ABCD3: variants seen among roughly 807,000 people sequenced by gnomAD.
ABCD3 encodes the protein ATP binding cassette subfamily D member 3.
ABCD3 carries 41 observed loss-of-function variants against 105.5 expected under a neutral mutation model. That is an observed-to-expected ratio of 0.39 (90% CI 0.30 to 0.50). The LOEUF is 0.50. ABCD3 is among the 20% of genes least tolerant of loss of function. ABCD3 has a pLI of 0.84. For missense variants in ABCD3, 622 were observed against 806.3 expected (o/e 0.77, Z 2.77); for synonymous variants, 258 against 269.0 (o/e 0.96, Z 0.40).
chr1:94,419,440 G>A, intron 1 of ABCD3: 1 of 795,364 alleles, frequency 1.3e-6, no homozygotes, highest in South Asian at 5.7e-5. Context: ...AGAGAGAGCT[G>A]AATTACGGTT....
intron 1 of ABCD3, among the ~76,000 whole-genome samples, chr1:94,430,373 G>A (rs1332373165): frequency 6.6e-6 from 1 of 152,152 alleles, no homozygotes; most frequent in Non-Finnish European, 1.5e-5. Flanking sequence ...ATGAGATTTG[G>A]GAGGGACTGG....
Position 94,498,979 on chromosome 1 carries a change from A to G in ABCD3, c.1565A>G (p.Gln522Arg). ...ATGACCCTTGGAACACTTCGAGATCAAGTGATATATCCAGATGGACGAGAA... is the reference window on the plus strand; with the variant it reads ...ATGACCCTTGGAACACTTCGAGATCGAGTGATATATCCAGATGGACGAGAA... ...PYMTLGTLRD[Q>R]VIYPDGREDQ... The change falls in exon 19 of 23, where the codon CAA (glutamine) becomes CGA (arginine). Residue 522 changes from glutamine to arginine, a missense_variant. Coordinates refer to ENST00000370214, the MANE Select transcript of ABCD3 (RefSeq NM_002858.4). 6.2e-7 allele frequency: 1 copy of G among 1,614,048 alleles called. No homozygotes were observed. The highest frequency in any genetic ancestry group is 8.5e-7 in the Non-Finnish European group (1 of 1,179,974).
chr1:94,388,253 G>A, the ABCD3 span, among the ~76,000 whole-genome samples: 96 of 152,242 alleles, frequency 6.3e-4, no homozygotes, highest in South Asian at 0.012. Flanking sequence ...AAGAAATTCC[G>A]TTTAAACTAA....
chr1:94,452,164 A>T (rs897386921), intron 1 of ABCD3, among the ~76,000 whole-genome samples: 2 of 152,208 alleles, frequency 1.3e-5, no homozygotes, highest in Non-Finnish European at 2.9e-5. Context: ...ATTAATTATT[A>T]TATCAGGACA....
intron 1 of ABCD3, among the ~76,000 whole-genome samples, chr1:94,439,174 TC>T (rs1660041583): frequency 6.6e-6 from 1 of 152,238 alleles, no homozygotes; most frequent in African/African-American, 2.4e-5. Context: ...TGAAAATTTG[TC>T]TGGATGTAAA....
chr1:94,442,948 T>C (rs1660186878), intron 1 of ABCD3, among the ~76,000 whole-genome samples: 1 of 152,174 alleles, frequency 6.6e-6, no homozygotes, highest in Non-Finnish European at 1.5e-5. Context: ...ATCTTTTATA[T>C]ATATATATTT....
intron 21 of ABCD3, among the ~76,000 whole-genome samples, chr1:94,508,031 A>G (rs927826627): frequency 2.0e-5 from 3 of 148,630 alleles, no homozygotes; most frequent in African/African-American, 4.9e-5. Flanking sequence ...TTTTGTTGCC[A>G]TTGCTTTTGG....
At chr1:94,478,549 A>G (rs767108636) in intron 8 of ABCD3, 6 of 1,598,156 alleles carry the variant, frequency 3.8e-6, no homozygotes, top group South Asian at 1.1e-5. Context: ...TTGTGGCATT[A>G]AAAACCAGAC....
intron 10 of ABCD3, among the ~76,000 whole-genome samples, chr1:94,483,899 C>T (rs1439268419): frequency 6.6e-6 from 1 of 152,088 alleles, no homozygotes; most frequent in African/African-American, 2.4e-5. Context: ...ACCCATCTGA[C>T]AAAGGGCTAA....
intron 1 of ABCD3, among the ~76,000 whole-genome samples, chr1:94,437,263 C>G (rs911944884): frequency 1.2e-4 from 18 of 152,212 alleles, no homozygotes; most frequent in Non-Finnish European, 8.8e-5. Context: ...CTAGGACTTT[C>G]ATAGCTAGAG....
intron 1 of ABCD3, among the ~76,000 whole-genome samples, chr1:94,458,196 G>T (rs1647682375): frequency 6.6e-6 from 1 of 152,206 alleles, no homozygotes; most frequent in African/African-American, 2.4e-5. Flanking sequence ...GTTGGGGAAA[G>T]ATTCCCAGCA....
chr1:94,471,977 A>G (rs1648478829), intron 4 of ABCD3, among the ~76,000 whole-genome samples: 1 of 152,168 alleles, frequency 6.6e-6, no homozygotes, highest in Non-Finnish European at 1.5e-5. Flanking sequence ...TACTAATTCC[A>G]TGACATGGAG....
At chr1:94,413,324 T>C in the ABCD3 span, among the ~76,000 whole-genome samples, 1 of 151,876 alleles carries the variant, frequency 6.6e-6, no homozygotes, top group South Asian at 2.1e-4. Context: ...TAAAGAAAAA[T>C]AAGATTTGGC....
chr1:94,484,404 T>C (rs986911941), intron 10 of ABCD3, among the ~76,000 whole-genome samples: 2 of 152,160 alleles, frequency 1.3e-5, no homozygotes, highest in African/African-American at 4.8e-5. Flanking sequence ...CCATCAGTGA[T>C]AGACTGGACA....
intron 9 of ABCD3, chr1:94,481,410 G>A (rs1649021861): frequency 6.6e-6 from 1 of 152,184 alleles, no homozygotes; most frequent in South Asian, 2.1e-4. Flanking sequence ...TTGCTCTAGG[G>A]AGGCAGCGGA....
chr1:94,498,506 C>T (rs1649934816), intron 16 of ABCD3, 96 bp from the exon 17 acceptor site: 1 of 1,237,908 alleles, frequency 8.1e-7, no homozygotes, highest in Non-Finnish European at 1.2e-6. Context: ...TATAATTAGC[C>T]AGGAGCTATT....
chr1:94,478,507 A>G, intron 8 of ABCD3, 192 bp downstream of exon 8: 1 of 1,536,384 alleles, frequency 6.5e-7, no homozygotes, highest in Admixed American at 1.7e-5. Context: ...TTTTCTTTTT[A>G]ATTTTCCTTA....
At chr1:94,405,869 T>G in the ABCD3 span, among the ~76,000 whole-genome samples, 378 of 152,290 alleles carry the variant, frequency 2.5e-3, 1 homozygote, top group African/African-American at 8.9e-3. Flanking sequence ...TGTTTTCTTC[T>G]AGTTTGTTGT....
intron 1 of ABCD3, among the ~76,000 whole-genome samples, chr1:94,451,302 C>T (rs536121069): frequency 1.3e-5 from 2 of 152,064 alleles, no homozygotes; most frequent in South Asian, 4.2e-4. Flanking sequence ...GTCTAATTTC[C>T]TTAGTGCTTG....
Sources: allele counts gnomAD v4.1 joint callset (sites outside exome capture counted in the v4.1 genomes callset), GRCh38; gene constraint gnomAD v4.1.1; transcripts MANE v1.5; gene names NCBI Gene and HGNC (gene_info 2026-07-23, HGNC 2026-07-21).